GABRB1: variants seen among roughly 807,000 people sequenced by gnomAD.
The protein encoded by GABRB1 is gamma-aminobutyric acid type A receptor subunit beta1, also known as gamma-aminobutyric acid receptor subunit beta-1.
A neutral mutation model predicts 51.6 loss-of-function variants in GABRB1; 17 were observed. That is an observed-to-expected ratio of 0.33 (90% CI 0.23 to 0.49). The LOEUF (loss-of-function observed/expected upper bound fraction) is 0.49, where lower values mean the gene tolerates loss of function less well. GABRB1 is among the 20% of genes least tolerant of loss of function. The probability of loss-of-function intolerance (pLI) is 0.99; values close to 1 mark genes in which losing one functional copy is unlikely to be tolerated. For missense variants in GABRB1, 410 were observed against 600.6 expected, an observed-to-expected ratio of 0.68 and a Z score of 3.32; for synonymous variants, 247 against 218.9, an observed-to-expected ratio of 1.13 and a Z score of -1.14.
At chr4:47,294,471 G>A (rs568308193) in intron 4 of GABRB1, among the ~76,000 whole-genome samples, 180 of 152,364 alleles carry the variant, frequency 1.2e-3, no homozygotes, top group African/African-American at 3.4e-3. Context: ...CACGTGGCTC[G>A]GAGGGTCCTA....
chr4:47,024,869 A>G (rs2109456078), intron 1 of GABRB1, among the ~76,000 whole-genome samples: 1 of 145,238 alleles, frequency 6.9e-6, no homozygotes, highest in Non-Finnish European at 1.5e-5. Context: ...ATAGTCTCCA[A>G]TTCCAGCCAT....
chr4:47,125,729 G>C (rs1189786774), intron 3 of GABRB1, among the ~76,000 whole-genome samples: 1 of 146,798 alleles, frequency 6.8e-6, no homozygotes, highest in Non-Finnish European at 1.5e-5. Context: ...CTAATTTTTT[G>C]TATTTTTAGT....
At chr4:47,056,922 A>T (rs1726633586) in intron 3 of GABRB1, among the ~76,000 whole-genome samples, 1 of 152,182 alleles carries the variant, frequency 6.6e-6, no homozygotes, top group Non-Finnish European at 1.5e-5. Flanking sequence ...CCTGCCCAAC[A>T]TGGTGAAACC....
chr4:47,330,654 G>C (rs1725444932), intron 5 of GABRB1, among the ~76,000 whole-genome samples: 1 of 151,996 alleles, frequency 6.6e-6, no homozygotes, highest in Non-Finnish European at 1.5e-5. Flanking sequence ...TCCTCATTGA[G>C]AGGCCAGTTT....
At chr4:47,170,653 T>C (rs1316493970) in intron 4 of GABRB1, among the ~76,000 whole-genome samples, 5 of 152,120 alleles carry the variant, frequency 3.3e-5, no homozygotes, top group African/African-American at 7.2e-5. Context: ...AGGAAATAAA[T>C]ATGAGAGTTG....
rs552894873 is a variant in GABRB1, at chr4:47,074,275, C to T, written c.240+41791C>T. On this transcript the variant is annotated intron_variant, in intron 3 of 8. Transcript: ENST00000295454. The stretch of plus-strand genomic sequence containing the variant: ...AAAGAACATATGTAATATGCTCAAA[C>T]GTATCATTGAAGCTCGTATCTAAGA... 2.6e-5 allele frequency among the ~76,000 whole-genome samples: 4 copies of T among 152,252 alleles called. No individual in the cohort carries two copies. The South Asian group carries it at 6.2e-4, about 24-fold the overall frequency.
At position 47,195,437 on chromosome 4, in the gene GABRB1, TA is replaced by T. The variant is rs1312272539; in HGVS notation, c.461+33969del. Among the ~76,000 whole-genome samples, 299 of 120,572 alleles carry T rather than the reference TA, an allele frequency of 2.5e-3. 3 individuals are homozygous for T. Among genetic ancestry groups the T allele is most frequent in the African/African-American group, 5.1e-3 (149 of 29,188 alleles). The allele number at this position is 120,572 out of a possible 152,430, so 79.1% of individuals were successfully genotyped here. A position where few individuals can be genotyped will look rare whatever the true frequency, so the allele number is the denominator to read the frequency against. ...ATAGATAGATAGATAGATAGATAGA[TA>T]GATAGATGATAGATAGATTAGATGA... On this transcript the variant is annotated intron_variant, in intron 4 of 8. Coordinates refer to ENST00000295454, the MANE Select transcript of GABRB1 (RefSeq NM_000812.4).
At chr4:47,062,649 A>T (rs934219527) in intron 3 of GABRB1, among the ~76,000 whole-genome samples, 2 of 152,108 alleles carry the variant, frequency 1.3e-5, no homozygotes, top group Non-Finnish European at 1.5e-5. Flanking sequence ...ATAGCCTTCT[A>T]ATTCTCATCA....
chr4:47,170,434 C>G (rs991881667), intron 4 of GABRB1, among the ~76,000 whole-genome samples: 1 of 151,840 alleles, frequency 6.6e-6, no homozygotes, highest in Non-Finnish European at 1.5e-5. Context: ...CACGCACACA[C>G]ACACATTATT....
At chr4:47,339,855 A>ACACACACC (rs1313270213) in intron 5 of GABRB1, among the ~76,000 whole-genome samples, 2 of 143,324 alleles carry the variant, frequency 1.4e-5, no homozygotes, top group Non-Finnish European at 3.1e-5. Context: ...ACACACACAC[A>ACACACACC]CCCCACTTTG....
At chr4:46,998,068 G>A (rs991745291) in intron 1 of GABRB1, among the ~76,000 whole-genome samples, 1 of 151,958 alleles carries the variant, frequency 6.6e-6, no homozygotes, top group Admixed American at 6.6e-5. Context: ...CCTAATCTGG[G>A]GGAATTTAAC....
chr4:47,298,954 T>C (rs915355660), intron 4 of GABRB1, among the ~76,000 whole-genome samples: 2 of 151,868 alleles, frequency 1.3e-5, no homozygotes, highest in African/African-American at 2.4e-5. Flanking sequence ...AACTATCTGA[T>C]CTTTGACAAA....
chr4:47,087,889 A>G (rs1728144667), intron 3 of GABRB1, among the ~76,000 whole-genome samples: 1 of 152,210 alleles, frequency 6.6e-6, no homozygotes, highest in Non-Finnish European at 1.5e-5. Flanking sequence ...ATAGGAAGTA[A>G]CAGGCTTTTG....
At chr4:47,256,246 T>TGTA (rs1336235965) in intron 4 of GABRB1, among the ~76,000 whole-genome samples, 18 of 152,388 alleles carry the variant, frequency 1.2e-4, no homozygotes, top group African/African-American at 4.1e-4. Context: ...TGTAATAAAC[T>TGTA]ATATGAACTA....
intron 4 of GABRB1, among the ~76,000 whole-genome samples, chr4:47,250,427 C>T (rs571033613): frequency 6.6e-6 from 1 of 152,218 alleles, no homozygotes; most frequent in African/African-American, 2.4e-5. Context: ...TGACAATGTG[C>T]CTAGGCAAAG....
intron 3 of GABRB1, among the ~76,000 whole-genome samples, chr4:47,035,456 G>T (rs1725508786): frequency 6.6e-6 from 1 of 152,010 alleles, no homozygotes; most frequent in Non-Finnish European, 1.5e-5. Context: ...GACTTTTCAG[G>T]CAATAATATT....
intron 3 of GABRB1, among the ~76,000 whole-genome samples, chr4:47,056,773 G>A (rs996702764): frequency 6.6e-6 from 1 of 152,102 alleles, no homozygotes; most frequent in African/African-American, 2.4e-5. Flanking sequence ...AGAAATGAGC[G>A]AAAGAGACAG....
chr4:47,307,274 A>G (rs774321150), intron 4 of GABRB1, among the ~76,000 whole-genome samples: 1 of 152,184 alleles, frequency 6.6e-6, no homozygotes, highest in South Asian at 2.1e-4. Context: ...TTAACACTGG[A>G]CCTATAAAAA....
At chr4:47,405,968 T>G (rs1728552700) in intron 7 of GABRB1, among the ~76,000 whole-genome samples, 1 of 152,194 alleles carries the variant, frequency 6.6e-6, no homozygotes, top group African/African-American at 2.4e-5. Context: ...CAAGTTCAAA[T>G]TTTTAAGAAG....
Sources: allele counts gnomAD v4.1 joint callset (sites outside exome capture counted in the v4.1 genomes callset), GRCh38; gene constraint gnomAD v4.1.1; transcripts MANE v1.5; gene names NCBI Gene and HGNC (gene_info 2026-07-23, HGNC 2026-07-21).